Variants in NIPAL3 observed in about 807,000 individuals in gnomAD.
NIPAL3 encodes the protein NIPA-like protein 3.
A neutral mutation model predicts 47.2 loss-of-function variants in NIPAL3; 41 were observed. The ratio of observed to expected loss-of-function variants is 0.87; its 90% CI spans 0.68 to 1.13. The LOEUF (loss-of-function observed/expected upper bound fraction) is 1.13, where lower values mean the gene tolerates loss of function less well. Ranked by LOEUF, NIPAL3 falls within the 50% of genes most tolerant of loss-of-function variation. NIPAL3 has a pLI of 0.00. For missense variants in NIPAL3, 449 were observed against 530.1 expected, an observed-to-expected ratio of 0.85 and a Z score of 1.50; for synonymous variants, 194 against 209.6, an observed-to-expected ratio of 0.93 and a Z score of 0.64.
At chr1:24,466,308 A>G (rs1646696846) in intron 11 of NIPAL3, 1 of 383,090 alleles carries the variant, frequency 2.6e-6, no homozygotes, top group Non-Finnish European at 4.7e-6. Context: ...TCCTAAAATT[A>G]AAAATAAATA....
rs1646868694 is a variant in NIPAL3, at chr1:24,470,508, A to G, written c.*1323A>G. On this transcript the variant is annotated 3_prime_UTR_variant, in exon 12 of 12. Transcript: ENST00000374399. ...CTGGAAAGCCTAAGAATTTACAAAG[A>G]TGTTCTGCTAAAACCCCCAGGGCCC... 2 of 152,168 alleles carry G rather than the reference A, an allele frequency of 1.3e-5. No individual in the cohort carries two copies. Among genetic ancestry groups the G allele is most frequent in the Non-Finnish European group, 1.5e-5 (1 of 68,026 alleles). 9.4% of individuals were successfully genotyped at this position (152,168 alleles called of 1,614,324 possible).
chr1:24,457,878 T>C (rs745665779), intron 8 of NIPAL3: 18 of 512,638 alleles, frequency 3.5e-5, no homozygotes, highest in Non-Finnish European at 7.2e-5. Flanking sequence ...GCTATTGTTA[T>C]TTTGGTTATT....
At chr1:24,434,056 C>A (rs926292383) in intron 2 of NIPAL3, among the ~76,000 whole-genome samples, 9 of 152,006 alleles carry the variant, frequency 5.9e-5, no homozygotes, top group African/African-American at 1.9e-4. Flanking sequence ...AAAGAGACTA[C>A]AGAAAACAAA....
In NIPAL3 at chr1:24,419,390, C is replaced by G; in HGVS notation, c.-158C>G. ...TGAAGCTGAGGAGAAGGCTGTAAAT[C>G]TGCCAAAACAGCCTTGAAGTATTCT... On this transcript the variant is annotated 5_prime_UTR_variant, in exon 2 of 12. It adds an upstream start codon to the 5' untranslated region. Transcript: ENST00000374399. 7.5e-7 allele frequency: 1 copy of G among 1,337,092 alleles called. No homozygotes were observed. Among genetic ancestry groups the G allele is most frequent in the Non-Finnish European group, 9.6e-7 (1 of 1,046,072 alleles). The allele number at this position is 1,337,092 out of a possible 1,614,324, so 82.8% of individuals were successfully genotyped here. A position where few individuals can be genotyped will look rare whatever the true frequency, so the allele number is the denominator to read the frequency against.
At chr1:24,429,886 G>T (rs972373005) in intron 2 of NIPAL3, among the ~76,000 whole-genome samples, 2 of 152,170 alleles carry the variant, frequency 1.3e-5, no homozygotes, top group African/African-American at 4.8e-5. Context: ...AAAAGATGTA[G>T]AATAGGTAAT....
At chr1:24,464,194 A>T (rs1646601132) in intron 11 of NIPAL3, 74 bp downstream of exon 11, 1 of 1,129,434 alleles carries the variant, frequency 8.9e-7, no homozygotes, top group Admixed American at 2.0e-5. Context: ...AAAAAGAGAC[A>T]ACCAACTGCT....
intron 2 of NIPAL3, among the ~76,000 whole-genome samples, chr1:24,435,781 G>A (rs1305137570): frequency 6.6e-6 from 1 of 152,206 alleles, no homozygotes; most frequent in African/African-American, 2.4e-5. Context: ...TCCCTGCTTA[G>A]CCTTCCCTGA....
At position 24,445,311 on chromosome 1, in the gene NIPAL3, G is replaced by C. The variant is rs916530695; in HGVS notation, c.394+67G>C. 4 of 1,141,974 alleles carry C rather than the reference G, an allele frequency of 3.5e-6. No homozygotes were observed. In the African/African-American group the frequency reaches 6.1e-5, roughly 17 times the overall value. The allele number at this position is 1,141,974 out of a possible 1,614,324, so 70.7% of individuals were successfully genotyped here. On this transcript the variant is annotated intron_variant, in intron 5 of 11. Coordinates refer to ENST00000374399, the MANE Select transcript of NIPAL3 (RefSeq NM_020448.5). The stretch of plus-strand genomic sequence containing the variant: ...ACGCTTTTTATTAATTGTAAAACCA[G>C]TTCACTCTAATTCAGAGGTTATCTG...
rs931462488 is a variant in NIPAL3, at chr1:24,451,538, A to G, written c.541-1870A>G. 6.6e-6 allele frequency among the ~76,000 whole-genome samples: 1 copy of G among 151,000 alleles called. No homozygotes were observed. The highest frequency in any genetic ancestry group is 6.6e-5 in the Admixed American group (1 of 15,124). Reference sequence around the variant, plus strand: ...TGGCAAAACCCCGTCTCTATTTGGAAAAAAAAAAGTAAAAATTAGCCAGGT... The same window carrying G: ...TGGCAAAACCCCGTCTCTATTTGGAGAAAAAAAAGTAAAAATTAGCCAGGT... On this transcript the variant is annotated intron_variant, in intron 6 of 11. Transcript: ENST00000374399. This position sits in a 1 kb window ranked among gnomAD's most constrained non-coding sequence, Gnocchi z 4.5.
intron 2 of NIPAL3, among the ~76,000 whole-genome samples, chr1:24,438,458 T>C (rs1344056791): frequency 6.6e-6 from 1 of 152,190 alleles, no homozygotes; most frequent in Non-Finnish European, 1.5e-5. Context: ...TCCCTCTCGG[T>C]CCTCCTGCCC....
chr1:24,441,619 A>G (rs1645388422), intron 3 of NIPAL3, among the ~76,000 whole-genome samples: 1 of 152,154 alleles, frequency 6.6e-6, no homozygotes, highest in African/African-American at 2.4e-5. Context: ...CCGAACACAC[A>G]GTCATCCAAA....
chr1:24,454,424 T>A lies in NIPAL3; in HGVS notation c.637+920T>A. ...GTCACGGAAGGGAGTGGGGGTTAAA[T>A]GAGATGTGCACAGGTGGCTAATATG... On this transcript the variant is annotated intron_variant, in intron 7 of 11. Transcript: ENST00000374399. The surrounding 1 kb of genome is among the most constrained non-coding windows in gnomAD (Gnocchi z 4.1). The A allele has an allele frequency of 9.7e-7, 1 of 1,030,272 alleles. No homozygotes were observed. The highest frequency in any genetic ancestry group is 1.2e-6 in the Non-Finnish European group (1 of 856,438). 63.8% of individuals were successfully genotyped at this position (1,030,272 alleles called of 1,614,324 possible).
intron 2 of NIPAL3, among the ~76,000 whole-genome samples, chr1:24,427,440 A>C (rs561489179): frequency 6.6e-6 from 1 of 152,294 alleles, no homozygotes; most frequent in African/African-American, 2.4e-5. Context: ...ATATTATGCT[A>C]TTGCTAATCA....
intron 5 of NIPAL3, among the ~76,000 whole-genome samples, chr1:24,447,195 G>A (rs572508219): frequency 5.1e-4 from 78 of 152,288 alleles, no homozygotes; most frequent in Non-Finnish European, 8.8e-4. Flanking sequence ...GGCCGGGGCC[G>A]GGGCATTGGC....
chr1:24,469,223 C>T lies in NIPAL3; in HGVS notation c.*38C>T, dbSNP rs751639464. 2 of 1,558,130 alleles carry T rather than the reference C, an allele frequency of 1.3e-6. No individual in the cohort carries two copies. The highest frequency in any genetic ancestry group is 1.8e-6 in the Non-Finnish European group (2 of 1,140,332). On this transcript the variant is annotated 3_prime_UTR_variant, in exon 12 of 12. Coordinates refer to ENST00000374399, the MANE Select transcript of NIPAL3 (RefSeq NM_020448.5). ...TCTATTTATAACTGTCCCCTCCAGG[C>T]TGACAGTGGTTCAACCCTGAATCCT...
chr1:24,454,018 A>T lies in NIPAL3; in HGVS notation c.637+514A>T. ...TGAATCAGCTTGAGGCTAGAACTGCATATTAATTTTTCCTTTTTTTTTTTT... is the reference window on the plus strand; with the variant it reads ...TGAATCAGCTTGAGGCTAGAACTGCTTATTAATTTTTCCTTTTTTTTTTTT... On this transcript the variant is annotated intron_variant, in intron 7 of 11. Coordinates refer to ENST00000374399, the MANE Select transcript of NIPAL3 (RefSeq NM_020448.5). The surrounding 1 kb of genome is among the most constrained non-coding windows in gnomAD (Gnocchi z 4.1). 2.1e-6 allele frequency: 1 copy of T among 465,504 alleles called. No homozygotes were observed. The highest frequency in any genetic ancestry group is 2.5e-5 in the Admixed American group (1 of 40,026). The allele number at this position is 465,504 out of a possible 1,614,324, so 28.8% of individuals were successfully genotyped here. A position where few individuals can be genotyped will look rare whatever the true frequency, so the allele number is the denominator to read the frequency against.
chr1:24,463,619 C>T (rs969245192), intron 10 of NIPAL3, among the ~76,000 whole-genome samples: 7 of 152,144 alleles, frequency 4.6e-5, no homozygotes, highest in Non-Finnish European at 7.4e-5. Flanking sequence ...ACCAGGAGTA[C>T]AGGGACTCTC....
intron 1 of NIPAL3, among the ~76,000 whole-genome samples, chr1:24,417,404 T>A (rs960029341): frequency 2.6e-5 from 4 of 152,212 alleles, no homozygotes; most frequent in African/African-American, 9.6e-5. Flanking sequence ...CTTAAGGCTC[T>A]TATGATTATT....
At chr1:24,447,723 G>A (rs183615585) in intron 5 of NIPAL3, among the ~76,000 whole-genome samples, 65 of 152,204 alleles carry the variant, frequency 4.3e-4, no homozygotes, top group Admixed American at 2.8e-3. Context: ...GAATACTCTA[G>A]GTAATCCTAG....
Sources: gnomAD v4.1 joint callset for allele counts (sites outside exome capture counted in the v4.1 genomes callset) on GRCh38, gnomAD v4.1.1 for gene constraint, Gnocchi (gnomAD v3.1) non-coding constraint, MANE v1.5 for transcripts, NCBI Gene and HGNC (gene_info 2026-07-23, HGNC 2026-07-21) for gene names.